The following FBXL13 variants were observed in gnomAD, a reference collection of about 807,000 sequenced individuals.
FBXL13 encodes F-box and leucine-rich repeat protein 13.
A neutral mutation model predicts 83.6 loss-of-function variants in FBXL13; 67 were observed. The observed-to-expected ratio is 0.80, with a 90% confidence interval of 0.66 to 0.98. FBXL13 has a LOEUF of 0.98. Among genes scored for constraint, FBXL13 ranks in the 50% least tolerant of loss-of-function variants. The pLI is 0.00. For missense variants in FBXL13, 822 were observed against 866.5 expected, an observed-to-expected ratio of 0.95 and a Z score of 0.64; for synonymous variants, 272 against 299.5, an observed-to-expected ratio of 0.91 and a Z score of 0.95.
chr7:102,937,159 C>A (rs548973045), intron 8 of FBXL13, among the ~76,000 whole-genome samples: 2 of 152,094 alleles, frequency 1.3e-5, no homozygotes, highest in African/African-American at 4.8e-5. Flanking sequence ...TAAGTTCCTC[C>A]AAGTGTTAAT....
intron 11 of FBXL13, among the ~76,000 whole-genome samples, chr7:102,900,657 T>C (rs944557875): frequency 1.3e-5 from 2 of 152,154 alleles, no homozygotes; most frequent in Non-Finnish European, 2.9e-5. Context: ...TCACCGGTTC[T>C]TCATGAAGCT....
intron 10 of FBXL13, among the ~76,000 whole-genome samples, chr7:102,919,591 T>C (rs900520048): frequency 1.1e-4 from 17 of 152,094 alleles, no homozygotes; most frequent in African/African-American, 3.9e-4. Context: ...CAGGAAAAAA[T>C]AGGTTACCAA....
intron 17 of FBXL13, among the ~76,000 whole-genome samples, chr7:102,837,557 T>A (rs932291636): frequency 5.9e-5 from 9 of 152,240 alleles, no homozygotes; most frequent in Non-Finnish European, 1.2e-4. Context: ...CAAATTCTTA[T>A]AAGCTTTTCT....
chr7:103,011,009 C>T (rs1015873866), intron 6 of FBXL13, among the ~76,000 whole-genome samples: 8 of 151,708 alleles, frequency 5.3e-5, no homozygotes, highest in African/African-American at 7.3e-5. Context: ...ACCCCAAGGG[C>T]ATCAAAGAAG....
intron 2 of FBXL13, 45 bp downstream of exon 2, chr7:103,055,599 T>G: frequency 1.1e-6 from 1 of 934,762 alleles, no homozygotes; most frequent in Non-Finnish European, 1.5e-6. Flanking sequence ...AAAGTTTTCC[T>G]TCAAAATAAA....
At chr7:102,895,544 G>A (rs1812148978) in intron 11 of FBXL13, among the ~76,000 whole-genome samples, 2 of 152,222 alleles carry the variant, frequency 1.3e-5, no homozygotes, top group Non-Finnish European at 1.5e-5. Context: ...ACCTGAGCTT[G>A]AGTGGGCCTC....
At chr7:103,061,104 G>A (rs192879013) in intron 1 of FBXL13, among the ~76,000 whole-genome samples, 1 of 152,116 alleles carries the variant, frequency 6.6e-6, no homozygotes, top group East Asian at 1.9e-4. Flanking sequence ...TACTGAAAGA[G>A]GCCAACTAGC....
intron 10 of FBXL13, among the ~76,000 whole-genome samples, chr7:102,922,168 C>T (rs988350874): frequency 2.7e-5 from 4 of 145,602 alleles, no homozygotes; most frequent in African/African-American, 7.7e-5. Context: ...CCAGCCTGGG[C>T]GACAGAGGAA....
At chr7:102,942,829 A>G (rs1821731575) in intron 8 of FBXL13, among the ~76,000 whole-genome samples, 1 of 152,208 alleles carries the variant, frequency 6.6e-6, no homozygotes, top group Admixed American at 6.5e-5. Context: ...ATTCAAAATA[A>G]GGACGCTATG....
intron 16 of FBXL13, among the ~76,000 whole-genome samples, chr7:102,858,002 A>G (rs1432718012): frequency 2.0e-5 from 3 of 152,254 alleles, no homozygotes; most frequent in Non-Finnish European, 4.4e-5. Context: ...CTACACTCCC[A>G]TGTTTACTAC....
At chr7:102,826,773 GTA>G (rs1562911653) in intron 18 of FBXL13, among the ~76,000 whole-genome samples, 1 of 55,732 alleles carries the variant, frequency 1.8e-5, no homozygotes, top group African/African-American at 6.4e-5. Context: ...ATATATATAT[GTA>G]TATATATCTC....
chr7:102,820,245 C>T (rs1028222666), intron 19 of FBXL13, among the ~76,000 whole-genome samples: 1 of 152,206 alleles, frequency 6.6e-6, no homozygotes, highest in African/African-American at 2.4e-5. Flanking sequence ...GAAGTGCACA[C>T]ACCAAACCAG....
At chr7:102,965,224 A>T (rs529310284) in intron 7 of FBXL13, among the ~76,000 whole-genome samples, 36 of 152,308 alleles carry the variant, frequency 2.4e-4, no homozygotes, top group African/African-American at 8.4e-4. Context: ...AATAGTTGAT[A>T]ATTAAGAGCA....
intron 6 of FBXL13, among the ~76,000 whole-genome samples, chr7:102,974,859 C>A (rs1240931836): frequency 1.3e-5 from 2 of 152,082 alleles, no homozygotes; most frequent in African/African-American, 2.4e-5. Context: ...ATCTTCCCAG[C>A]CCCCATCTTC....
At chr7:102,926,666 A>G (rs941215068) in intron 9 of FBXL13, among the ~76,000 whole-genome samples, 1 of 152,188 alleles carries the variant, frequency 6.6e-6, no homozygotes, top group Admixed American at 6.5e-5. Context: ...TGTCACACGA[A>G]ATTTGAGCTC....
intron 1 of FBXL13, among the ~76,000 whole-genome samples, chr7:103,070,229 TTTTA>T (rs907028153): frequency 2.0e-5 from 3 of 152,118 alleles, no homozygotes; most frequent in Non-Finnish European, 2.9e-5. Context: ...TATGTATTTA[TTTTA>T]TTTATTTATT....
chr7:102,877,301 AAAG>A (rs1397980143), intron 16 of FBXL13, among the ~76,000 whole-genome samples, 163 bp downstream of exon 17: 1 of 152,212 alleles, frequency 6.6e-6, no homozygotes, highest in Non-Finnish European at 1.5e-5. Context: ...CTGTTGATTC[AAAG>A]AAACTTTTCT....
intron 6 of FBXL13, among the ~76,000 whole-genome samples, chr7:103,017,110 A>C (rs1307851384): frequency 6.6e-6 from 1 of 152,088 alleles, no homozygotes; most frequent in Non-Finnish European, 1.5e-5. Context: ...ACGGCTGGGT[A>C]CCCCTCTGAG....
chr7:102,960,113 A>C (rs1436949594), intron 8 of FBXL13, among the ~76,000 whole-genome samples: 1 of 152,126 alleles, frequency 6.6e-6, no homozygotes, highest in Non-Finnish European at 1.5e-5. Flanking sequence ...TAAAAATAAG[A>C]ATATGTTTTA....
Sources: allele counts gnomAD v4.1 joint callset (sites outside exome capture counted in the v4.1 genomes callset), GRCh38; gene constraint gnomAD v4.1.1; transcripts MANE v1.5; gene names NCBI Gene and HGNC (gene_info 2026-07-23, HGNC 2026-07-21).